Variants in PARD3 observed in about 807,000 individuals in gnomAD.
PARD3 encodes partitioning defective 3 homolog.
A neutral mutation model predicts 155.4 loss-of-function variants in PARD3; 75 were observed. That is an observed-to-expected ratio of 0.48 (90% CI 0.40 to 0.58). The LOEUF (loss-of-function observed/expected upper bound fraction) is 0.58, where lower values mean the gene tolerates loss of function less well. PARD3 is among the 20% of genes least tolerant of loss of function. PARD3 has a pLI of 0.00. For synonymous variants in PARD3, 576 were observed against 610.5 expected, an observed-to-expected ratio of 0.94 and a Z score of 0.83; for missense variants, 1,642 against 1,721.7, an observed-to-expected ratio of 0.95 and a Z score of 0.82.
At chr10:34,575,367 A>G (rs2086796587) in intron 2 of PARD3, among the ~76,000 whole-genome samples, 1 of 152,244 alleles carries the variant, frequency 6.6e-6, no homozygotes, top group African/African-American at 2.4e-5. Flanking sequence ...ATTTGATTTT[A>G]AACTCTTGGG....
intron 1 of PARD3, among the ~76,000 whole-genome samples, chr10:34,773,716 T>C (rs1257880544): frequency 6.6e-6 from 1 of 152,188 alleles, no homozygotes; most frequent in African/African-American, 2.4e-5. Flanking sequence ...TTCGGTGCTT[T>C]TCTGTGGCTT....
At chr10:34,562,864 T>A (rs1358632196) in intron 2 of PARD3, among the ~76,000 whole-genome samples, 2 of 152,034 alleles carry the variant, frequency 1.3e-5, no homozygotes, top group Non-Finnish European at 2.9e-5. Context: ...CTCAAACTCG[T>A]GGCCTCAAAC....
chr10:34,643,660 C>CTAT (rs767579313), intron 2 of PARD3, among the ~76,000 whole-genome samples: 9 of 152,270 alleles, frequency 5.9e-5, no homozygotes, highest in Admixed American at 2.6e-4. Flanking sequence ...CGGCTCACAC[C>CTAT]TATAATCAGT....
intron 22 of PARD3, among the ~76,000 whole-genome samples, chr10:34,229,504 C>T (rs1588861429): frequency 6.6e-6 from 1 of 152,066 alleles, no homozygotes; most frequent in African/African-American, 2.4e-5. Context: ...CTACCCTGAC[C>T]TCCCAAAGCG....
intron 1 of PARD3, among the ~76,000 whole-genome samples, chr10:34,782,443 C>T (rs2134177460): frequency 6.6e-6 from 1 of 152,338 alleles, no homozygotes; most frequent in Non-Finnish European, 1.5e-5. Flanking sequence ...CCAGTGAGAA[C>T]TCTCCACCCT....
At chr10:34,314,667 G>C (rs1029569390) in intron 20 of PARD3, among the ~76,000 whole-genome samples, 1 of 152,174 alleles carries the variant, frequency 6.6e-6, no homozygotes, top group Non-Finnish European at 1.5e-5. Flanking sequence ...TCAGCTACCA[G>C]CATGATGTCA....
chr10:34,687,049 A>C (rs2093964496), intron 2 of PARD3, among the ~76,000 whole-genome samples: 3 of 151,970 alleles, frequency 2.0e-5, no homozygotes, highest in African/African-American at 7.2e-5. Context: ...ACTCTGTCTC[A>C]AAAAAAATAA....
intron 12 of PARD3, among the ~76,000 whole-genome samples, chr10:34,366,546 T>TA (rs1395459049): frequency 2.0e-5 from 3 of 151,770 alleles, no homozygotes; most frequent in African/African-American, 7.3e-5. Context: ...AGGACAGCTC[T>TA]AAAAAAAACC....
At chr10:34,461,541 G>A (rs1156819646) in intron 4 of PARD3, among the ~76,000 whole-genome samples, 2 of 152,154 alleles carry the variant, frequency 1.3e-5, no homozygotes, top group East Asian at 3.9e-4. Flanking sequence ...AGGAGGCAGA[G>A]GTTGCAGTGA....
Position 34,450,467 on chromosome 10 carries a change from A to G in PARD3, c.583-19T>C. On this transcript the variant is annotated intron_variant, in intron 4 of 24. Coordinates refer to ENST00000374788, the MANE Select transcript of PARD3 (RefSeq NM_001184785.2). Reference sequence around the variant, plus strand: ...CATCTTTCTATTCAAAAAGAAACAAAAAGGTGTCTTGTAAAAAACCAGACC... The same window carrying G: ...CATCTTTCTATTCAAAAAGAAACAAGAAGGTGTCTTGTAAAAAACCAGACC... 1 of 1,597,956 alleles carries G rather than the reference A, an allele frequency of 6.3e-7. No individual in the cohort carries two copies.
At chr10:34,262,597 G>C (rs1955083622) in intron 22 of PARD3, among the ~76,000 whole-genome samples, 1 of 152,172 alleles carries the variant, frequency 6.6e-6, no homozygotes, top group Non-Finnish European at 1.5e-5. Context: ...ATTCAGGCTT[G>C]CCTGTCCCTC....
chr10:34,574,704 T>C (rs1193276871), intron 2 of PARD3, among the ~76,000 whole-genome samples: 1 of 152,198 alleles, frequency 6.6e-6, no homozygotes, highest in Non-Finnish European at 1.5e-5. Context: ...GTGTTCCCTT[T>C]AGACAGAGAA....
chr10:34,696,105 T>C (rs2094166752), intron 2 of PARD3, among the ~76,000 whole-genome samples: 1 of 152,170 alleles, frequency 6.6e-6, no homozygotes, highest in Non-Finnish European at 1.5e-5. Flanking sequence ...AACCTAGTGT[T>C]AAGTCCCAGG....
At chr10:34,445,044 A>T (rs1443418416) in intron 5 of PARD3, among the ~76,000 whole-genome samples, 1 of 152,150 alleles carries the variant, frequency 6.6e-6, no homozygotes, top group East Asian at 1.9e-4. Context: ...GTGTTCCCAA[A>T]TTGGAAAGGC....
At chr10:34,118,344 T>A (rs114949631) in intron 24 of PARD3, among the ~76,000 whole-genome samples, 2 of 152,156 alleles carry the variant, frequency 1.3e-5, no homozygotes, top group Non-Finnish European at 2.9e-5. Context: ...TTATTTAACA[T>A]GTAAAGAAAT....
chr10:34,728,423 T>A (rs1008140277), intron 1 of PARD3, among the ~76,000 whole-genome samples: 13 of 152,094 alleles, frequency 8.5e-5, no homozygotes, highest in African/African-American at 3.1e-4. Flanking sequence ...TTGAATACTT[T>A]CACAGAACTG....
At chr10:34,398,180 G>A (rs1843524715) in intron 7 of PARD3, among the ~76,000 whole-genome samples, 1 of 152,106 alleles carries the variant, frequency 6.6e-6, no homozygotes, top group Admixed American at 6.6e-5. Flanking sequence ...TCTAAGTCAA[G>A]TTTCAGCTTT....
At chr10:34,157,262 C>T (rs1949053515) in intron 22 of PARD3, among the ~76,000 whole-genome samples, 1 of 152,294 alleles carries the variant, frequency 6.6e-6, no homozygotes, top group South Asian at 2.1e-4. Flanking sequence ...TGCATCCACA[C>T]ATCTGAGTGC....
chr10:34,653,737 C>T lies in PARD3; in HGVS notation c.222+42581G>A, dbSNP rs144472306. On this transcript the variant is annotated intron_variant, in intron 2 of 24. Transcript: ENST00000374788. ...GCTCAAGGATGCAGTGAGCTATGTT[C>T]GCACCTGTGAATAGCCACCGCACTC... Among the ~76,000 whole-genome samples the T allele has an allele frequency of 5.1e-3, 769 of 150,088 alleles. 4 individuals are homozygous for T. Among genetic ancestry groups the T allele is most frequent in the African/African-American group, 0.017 (711 of 40,726 alleles).
Sources: allele counts gnomAD v4.1 joint callset (sites outside exome capture counted in the v4.1 genomes callset), GRCh38; gene constraint gnomAD v4.1.1; transcripts MANE v1.5; gene names NCBI Gene and HGNC (gene_info 2026-07-23, HGNC 2026-07-21).